The following NRF1 variants were observed in gnomAD, a reference collection of about 807,000 sequenced individuals.
NRF1 encodes the protein alpha palindromic-binding protein.
NRF1 carries 5 observed loss-of-function variants against 58.5 expected under a neutral mutation model. The ratio of observed to expected loss-of-function variants is 0.09; its 90% CI spans 0.04 to 0.18. The LOEUF (loss-of-function observed/expected upper bound fraction) is 0.18, where lower values mean the gene tolerates loss of function less well. Among genes scored for constraint, NRF1 ranks in the 10% least tolerant of loss-of-function variants. NRF1 has a pLI of 1.00. For missense variants in NRF1, 288 were observed against 657.7 expected (o/e 0.44, Z 6.15); for synonymous variants, 224 against 246.7 (o/e 0.91, Z 0.86).
chr7:129,630,238 G>C (rs1427905938), intron 1 of NRF1: 1 of 152,218 alleles, frequency 6.6e-6, no homozygotes, highest in African/African-American at 2.4e-5. Context: ...TGTGAGAATA[G>C]AGTGAACAAA....
intron 10 of NRF1, among the ~76,000 whole-genome samples, chr7:129,730,911 A>C (rs1803562107): frequency 6.6e-6 from 1 of 151,930 alleles, no homozygotes; most frequent in Non-Finnish European, 1.5e-5. Flanking sequence ...CAGGAAGTCA[A>C]AGCTGCAGTG....
chr7:129,754,987 C>A, intron 10 of NRF1, 31 bp from the exon 11 acceptor site: 1 of 1,538,502 alleles, frequency 6.5e-7, no homozygotes, highest in Non-Finnish European at 8.8e-7. Flanking sequence ...GAGCCTGAGC[C>A]CCACCAACGG....
chr7:129,699,292 G>T (rs1216981353), intron 5 of NRF1, among the ~76,000 whole-genome samples: 1 of 152,072 alleles, frequency 6.6e-6, no homozygotes, highest in African/African-American at 2.4e-5. Context: ...TGAGAGTTTT[G>T]TTCTGTTTTG....
intron 10 of NRF1, among the ~76,000 whole-genome samples, chr7:129,754,464 T>TAAAAAAAAAAAAAAAAAAAAAAAAAA (rs57595268): frequency 3.9e-5 from 2 of 51,204 alleles, no homozygotes; most frequent in African/African-American, 9.5e-5. Context: ...CCCTGTCTCT[T>TAAAAAAAAAAAAAAAAAAAAAAAAAA]AAAAAAAAAA....
chr7:129,722,388 T>C (rs1231629472), intron 9 of NRF1, among the ~76,000 whole-genome samples: 1 of 149,022 alleles, frequency 6.7e-6, no homozygotes, highest in Non-Finnish European at 1.5e-5. Context: ...CGAAACTCCG[T>C]CTCAGAAAAA....
chr7:129,662,578 T>C (rs1801810651), intron 2 of NRF1, among the ~76,000 whole-genome samples: 1 of 152,158 alleles, frequency 6.6e-6, no homozygotes, highest in Non-Finnish European at 1.5e-5. Context: ...CTTGGTGTAC[T>C]ATTATATTTC....
intron 10 of NRF1, chr7:129,744,295 C>A: frequency 1.4e-6 from 2 of 1,395,440 alleles, no homozygotes; most frequent in African/African-American, 1.4e-5. Context: ...GCTGTCATTC[C>A]AGGCGCTGCT....
chr7:129,727,198 G>C (rs1584676617), intron 9 of NRF1, 43 bp from the exon 10 acceptor site: 2 of 1,539,812 alleles, frequency 1.3e-6, no homozygotes, highest in African/African-American at 2.8e-5. Context: ...CTGCAGTGCT[G>C]TTCCTCTATT....
At chr7:129,731,375 C>G (rs1481897100) in intron 10 of NRF1, among the ~76,000 whole-genome samples, 1 of 152,138 alleles carries the variant, frequency 6.6e-6, no homozygotes, top group East Asian at 1.9e-4. Context: ...CCTGCGCACC[C>G]TGAAGACTTC....
At chr7:129,744,253 A>C (rs1210830583) in intron 10 of NRF1, 1 of 1,546,714 alleles carries the variant, frequency 6.5e-7, no homozygotes, top group African/African-American at 1.4e-5. Context: ...TGGGGAAAGA[A>C]GGAAGCAGCT....
At chr7:129,654,676 CTG>C (rs1801611921) in intron 1 of NRF1, among the ~76,000 whole-genome samples, 1 of 152,114 alleles carries the variant, frequency 6.6e-6, no homozygotes. Context: ...TGATGTGTGA[CTG>C]TTCACTTGTT....
chr7:129,663,882 C>T (rs1016265525), intron 2 of NRF1, among the ~76,000 whole-genome samples: 4 of 152,148 alleles, frequency 2.6e-5, no homozygotes, highest in South Asian at 4.1e-4. Context: ...CCCAGCACCT[C>T]GGGAGGCCGA....
At chr7:129,645,526 T>G (rs1435355603) in intron 1 of NRF1, among the ~76,000 whole-genome samples, 1 of 152,208 alleles carries the variant, frequency 6.6e-6, no homozygotes, top group Admixed American at 6.5e-5. Context: ...TGATTTTCAG[T>G]AGGTCTACGC....
chr7:129,668,690 A>G (rs1187092557), intron 2 of NRF1, among the ~76,000 whole-genome samples: 1 of 152,238 alleles, frequency 6.6e-6, no homozygotes, highest in Non-Finnish European at 1.5e-5. Context: ...ATGTGGCAGC[A>G]TGGATGAATC....
At chr7:129,712,500 G>A (rs1803096111) in intron 8 of NRF1, among the ~76,000 whole-genome samples, 1 of 152,178 alleles carries the variant, frequency 6.6e-6, no homozygotes, top group African/African-American at 2.4e-5. Context: ...GGGGAGAGCT[G>A]GCAAAGGCCA....
chr7:129,644,285 A>G (rs1801357992), intron 1 of NRF1, among the ~76,000 whole-genome samples: 2 of 152,344 alleles, frequency 1.3e-5, no homozygotes, highest in South Asian at 4.1e-4. Flanking sequence ...AGGTAGGGTC[A>G]TCTATAATGA....
At chr7:129,723,303 C>A (rs1172867641) in intron 9 of NRF1, among the ~76,000 whole-genome samples, 1 of 151,960 alleles carries the variant, frequency 6.6e-6, no homozygotes, top group Non-Finnish European at 1.5e-5. Flanking sequence ...ATTAGCCGGG[C>A]ATGGTGGCGG....
intron 1 of NRF1, among the ~76,000 whole-genome samples, chr7:129,612,558 G>A (rs1198949422): frequency 6.6e-6 from 1 of 152,204 alleles, no homozygotes; most frequent in African/African-American, 2.4e-5. Context: ...GAGCGACATT[G>A]TGTTTTCTTC....
rs1268060542 is a variant in NRF1 at position 129,661,538 on chromosome 7, A to G, written c.223+3964A>G. On this transcript the variant is annotated intron_variant, in intron 2 of 10. Transcript: ENST00000393232. ...TCTCTCTCAAGTTCAAAGTTCCACA[A>G]ATCTCTAGGGCAGGGGCAAAATGCC... is the stretch of plus-strand genomic sequence containing the variant. 2.6e-5 allele frequency among the ~76,000 whole-genome samples: 4 copies of G among 151,086 alleles called. 1 individual carries two copies. Among genetic ancestry groups the G allele is most frequent in the South Asian group, 2.1e-4 (1 of 4,822 alleles).
Sources: gnomAD v4.1 joint callset for allele counts (sites outside exome capture counted in the v4.1 genomes callset) on GRCh38, gnomAD v4.1.1 for gene constraint, MANE v1.5 for transcripts, NCBI Gene and HGNC (gene_info 2026-07-23, HGNC 2026-07-21) for gene names.